STARD9: variants seen among roughly 807,000 people sequenced by gnomAD.
STARD9 encodes stAR-related lipid transfer protein 9.
STARD9 carries 346 observed loss-of-function variants against 399.8 expected under a neutral mutation model. That is an observed-to-expected ratio of 0.87 (90% CI 0.79 to 0.95). The LOEUF is 0.95. STARD9 is among the 40% of genes least tolerant of loss of function. The probability of loss-of-function intolerance (pLI) is 0.00; values close to 1 mark genes in which losing one functional copy is unlikely to be tolerated. For synonymous variants in STARD9, 2,203 were observed against 2,143.5 expected (o/e 1.03, Z -0.77); for missense variants, 5,832 against 5,667.5 (o/e 1.03, Z -0.93).
chr15:42,637,887 TC>T lies in STARD9; in HGVS notation c.352-18del. The T allele has an allele frequency of 6.5e-7, 1 of 1,537,118 alleles. No individual in the cohort carries two copies. The highest frequency in any genetic ancestry group is 1.2e-5 in the South Asian group (1 of 84,052). The stretch of plus-strand genomic sequence containing the variant: ...TCATCTTAAGTAAACAATAATGCTT[TC>T]CTTTCTTCTGTTCACCAGGCCTCTG... On this transcript the variant is annotated intron_variant, in intron 4 of 32. Transcript: ENST00000290607.
At chr15:42,637,440 C>T (rs2141928198) in intron 4 of STARD9, among the ~76,000 whole-genome samples, 1 of 152,206 alleles carries the variant, frequency 6.6e-6, no homozygotes. Flanking sequence ...GTCTCTAACT[C>T]CTGAGCTCAA....
intron 3 of STARD9, among the ~76,000 whole-genome samples, chr15:42,629,065 G>T (rs1214212779): frequency 3.9e-5 from 6 of 151,958 alleles, no homozygotes; most frequent in Non-Finnish European, 1.5e-5. Context: ...TGTTTTCCAG[G>T]CTGGAGTGCA....
In STARD9 at chr15:42,634,875, T is replaced by C. The variant is rs745500128; in HGVS notation, c.254T>C (p.Met85Thr). The part of the protein sequence containing the change: ...SQDVVFQDLG[M>T]EVLSGVAKGY... ...TTACAGGTTTTCCAGGATTTAGGGA[T>C]GGAAGTACTGTCTGGAGTTGCCAAA... The change falls in exon 4 of 33, where the codon ATG (methionine) becomes ACG (threonine). Residue 85 changes from methionine (M) to threonine (T), a missense_variant. Around this residue, in one of 2 missense-constraint regions of STARD9, gnomAD observed 5,828 missense variants for 5,651.1 expected, o/e 1.03. Coordinates refer to ENST00000290607, the MANE Select transcript of STARD9 (RefSeq NM_020759.3). 6.5e-7 allele frequency: 1 copy of C among 1,534,074 alleles called. No individual in the cohort carries two copies. Among genetic ancestry groups the C allele is most frequent in the South Asian group, 1.2e-5 (1 of 83,628 alleles).
chr15:42,590,917 A>G (rs1023232034), intron 3 of STARD9, among the ~76,000 whole-genome samples: 10 of 152,214 alleles, frequency 6.6e-5, no homozygotes, highest in African/African-American at 2.4e-4. Context: ...AGCAGGCCCC[A>G]GCTCCAACAT....
chr15:42,690,793 A>G lies in STARD9; in HGVS notation c.9215A>G (p.His3072Arg). 6.5e-7 allele frequency: 1 copy of G among 1,537,216 alleles called. No homozygotes were observed. Among genetic ancestry groups the G allele is most frequent in the Non-Finnish European group, 8.7e-7 (1 of 1,146,904 alleles). The change falls in exon 23 of 33, where the codon CAC becomes CGC. Residue 3072 changes from histidine (H) to arginine (R), a missense_variant. By Grantham distance (29) the His-to-Arg change is conservative. Coordinates refer to ENST00000290607, the MANE Select transcript of STARD9 (RefSeq NM_020759.3). ...GACGTGAGGACAGGTTCCTTCAGCC[A>G]CTCAGCTACTGATGGAAGCGTGGGG... ...APDVRTGSFS[H>R]SATDGSVGLI... is the part of the protein sequence containing the mutation.
At chr15:42,678,474 T>C (rs1296189058) in intron 20 of STARD9, among the ~76,000 whole-genome samples, 1 of 152,210 alleles carries the variant, frequency 6.6e-6, no homozygotes, top group African/African-American at 2.4e-5. Context: ...TGTCTTTGAA[T>C]ACCATTGCCT....
At chr15:42,718,617 AT>A in intron 31 of STARD9, 103 bp downstream of exon 31, 1 of 1,432,700 alleles carries the variant, frequency 7.0e-7, no homozygotes, top group South Asian at 1.2e-5. Context: ...AGGAGGGCAA[AT>A]TGGGGCTGGA....
At chr15:42,644,930 C>T (rs1253667709) in intron 7 of STARD9, among the ~76,000 whole-genome samples, 1 of 152,180 alleles carries the variant, frequency 6.6e-6, no homozygotes, top group African/African-American at 2.4e-5. Context: ...TCTGCTCATC[C>T]ATAAGAAGCA....
chr15:42,688,390 C>G lies in STARD9; in HGVS notation c.6812C>G (p.Ala2271Gly). The stretch of plus-strand genomic sequence containing the variant: ...AGTTCCAACCAAGAAGAGCCAAAAG[C>G]TCAAGGTAAAGTTGAAGAAATGCCT... ...VSSSNQEEPK[A>G]QGKVEEMPMQ... is the part of the protein sequence containing the mutation. Residue 2271 changes from alanine (A) to glycine (G), a missense_variant, in exon 23 of 33, where the codon GCT (alanine) becomes GGT (glycine). Ala to Gly is a moderately conservative substitution (Grantham distance 60). Coordinates refer to ENST00000290607, the MANE Select transcript of STARD9 (RefSeq NM_020759.3). 6.5e-7 allele frequency: 1 copy of G among 1,537,460 alleles called. No homozygotes were observed.
At position 42,720,474 on chromosome 15, in the gene STARD9, C is replaced by T. The variant is rs1261532796; in HGVS notation, c.*900C>T. On this transcript the variant is annotated 3_prime_UTR_variant, in exon 33 of 33. Coordinates refer to ENST00000290607, the MANE Select transcript of STARD9 (RefSeq NM_020759.3). ...GTGAGTGGCTTGTTGGGAGGAAGCTCAGTTCCAGAACTTACCTCAGTGCAC... is the reference window on the plus strand; with the variant it reads ...GTGAGTGGCTTGTTGGGAGGAAGCTTAGTTCCAGAACTTACCTCAGTGCAC... The T allele has an allele frequency of 2.6e-5, 4 of 152,298 alleles. No individual in the cohort carries two copies. The highest frequency in any genetic ancestry group is 7.2e-5 in the African/African-American group (3 of 41,444). 9.4% of individuals were successfully genotyped at this position (152,298 alleles called of 1,614,324 possible).
rs1042225679 is a variant in STARD9 at position 42,682,472 on chromosome 15, C to T, written c.2434C>T (p.Pro812Ser). ...TQEPPYQVLS[P>S]DATVPRPPCR... is the part of the protein sequence containing the mutation. ...GGAGCCCCCATACCAGGTCCTCAGC[C>T]CTGATGCCACAGTCCCACGGCCTCC... The change falls in exon 22 of 33, where the codon CCT (proline) becomes TCT (serine). Residue 812 changes from proline to serine, a missense_variant. By Grantham distance (74) the Pro-to-Ser change is moderately conservative. Transcript: ENST00000290607. 2.6e-6 allele frequency: 4 copies of T among 1,537,086 alleles called. No individual in the cohort carries two copies. Among genetic ancestry groups the T allele is most frequent in the East Asian group, 2.4e-5 (1 of 40,932 alleles).
intron 7 of STARD9, among the ~76,000 whole-genome samples, chr15:42,648,281 G>T (rs2059685931): frequency 6.6e-6 from 1 of 152,174 alleles, no homozygotes; most frequent in African/African-American, 2.4e-5. Context: ...TCCTGCCTCA[G>T]CTTCCCGAGT....
chr15:42,691,066 GT>G lies in STARD9; in HGVS notation c.9491del (p.Leu3164Ter), dbSNP rs1363998677. ...TTGGTGGTAGAGCCACAGCATGAATGTTTAGAAAATACCACTAGATGTTTTT... is the reference window on the plus strand; with the variant it reads ...TTGGTGGTAGAGCCACAGCATGAATGTTAGAAAATACCACTAGATGTTTTT... ...SKLVVEPQHE[C>X]LENTTRCFLE... On this transcript the variant is annotated frameshift_variant, in exon 23 of 33. Transcript: ENST00000290607. LOFTEE classifies it high-confidence loss of function. 3 of 1,537,190 alleles carry G rather than the reference GT, an allele frequency of 2.0e-6. No individual in the cohort carries two copies. Among genetic ancestry groups the G allele is most frequent in the Non-Finnish European group, 2.6e-6 (3 of 1,146,886 alleles).
At chr15:42,669,635 A>G (rs140717077) in intron 16 of STARD9, 52 of 262,516 alleles carry the variant, frequency 2.0e-4, no homozygotes, top group African/African-American at 1.1e-3. Context: ...TAAAGTAAGA[A>G]TGATGCTTAT....
At chr15:42,641,894 G>A (rs994908529) in intron 7 of STARD9, among the ~76,000 whole-genome samples, 4 of 151,914 alleles carry the variant, frequency 2.6e-5, no homozygotes, top group African/African-American at 7.3e-5. Flanking sequence ...ATGAGCCACC[G>A]CGCCCGGCTG....
At chr15:42,697,807 G>GA (rs34029692) in intron 26 of STARD9, among the ~76,000 whole-genome samples, 3 of 151,948 alleles carry the variant, frequency 2.0e-5, no homozygotes, top group African/African-American at 7.3e-5. Flanking sequence ...TCCAAAATCC[G>GA]AAAAAATTCA....
chr15:42,585,839 G>C (rs1391125644), intron 3 of STARD9, among the ~76,000 whole-genome samples: 1 of 152,102 alleles, frequency 6.6e-6, no homozygotes, highest in African/African-American at 2.4e-5. Flanking sequence ...AGAAACCATT[G>C]GCCTTTTCAA....
chr15:42,663,489 C>T lies in STARD9; in HGVS notation c.1077C>T (p.Ala359=), dbSNP rs190292983. The change falls in exon 12 of 33, where the codon GCC becomes GCT. Residue 359 remains alanine, a splice_region_variant and synonymous_variant. Coordinates refer to ENST00000290607, the MANE Select transcript of STARD9 (RefSeq NM_020759.3). ...LGGNSKTIMV[A]TVSPAHTSYS... ...GCAACTCTAAAACCATCATGGTTGC[C>T]AGTGAGTGGGATGCCAGAGCTGGAC... 6.5e-7 allele frequency: 1 copy of T among 1,537,310 alleles called. No homozygotes were observed. Among genetic ancestry groups the T allele is most frequent in the Non-Finnish European group, 8.7e-7 (1 of 1,146,906 alleles).
intron 3 of STARD9, among the ~76,000 whole-genome samples, chr15:42,625,702 T>C (rs1008867812): frequency 6.6e-5 from 10 of 151,242 alleles, no homozygotes; most frequent in Non-Finnish European, 1.3e-4. Context: ...TTCTTTTCTG[T>C]GTGAAAATTT....
Sources: allele counts gnomAD v4.1 joint callset (sites outside exome capture counted in the v4.1 genomes callset), GRCh38; gene constraint gnomAD v4.1.1; regional missense constraint gnomAD v4.1.1; transcripts MANE v1.5; gene names NCBI Gene and HGNC (gene_info 2026-07-23, HGNC 2026-07-21).